MYO5A: variants seen among roughly 807,000 people sequenced by gnomAD.
The protein encoded by MYO5A is myosin VA, also known as unconventional myosin-Va.
In MYO5A, 98 loss-of-function variants were observed where a neutral mutation model predicts 249.7. The ratio of observed to expected loss-of-function variants is 0.39; its 90% CI spans 0.33 to 0.46. MYO5A has a LOEUF of 0.46. MYO5A is among the 20% of genes least tolerant of loss of function. The probability of loss-of-function intolerance (pLI) is 0.98; values close to 1 mark genes in which losing one functional copy is unlikely to be tolerated. For missense variants in MYO5A, 1,696 were observed against 2,308.8 expected, an observed-to-expected ratio of 0.73 and a Z score of 5.44; for synonymous variants, 778 against 810.6, an observed-to-expected ratio of 0.96 and a Z score of 0.68.
intron 5 of MYO5A, among the ~76,000 whole-genome samples, chr15:52,414,792 C>A (rs910482126): frequency 6.6e-6 from 1 of 152,204 alleles, no homozygotes; most frequent in Non-Finnish European, 1.5e-5. Flanking sequence ...GATTCTATTT[C>A]CCCAGTATTA....
intron 37 of MYO5A, among the ~76,000 whole-genome samples, chr15:52,322,111 T>C (rs928379496): frequency 3.9e-5 from 6 of 152,242 alleles, no homozygotes; most frequent in Admixed American, 3.9e-4. Flanking sequence ...ACTTTGCAGT[T>C]TAACACGTTG....
At chr15:52,409,217 G>A (rs2043139944) in intron 6 of MYO5A, among the ~76,000 whole-genome samples, 1 of 151,948 alleles carries the variant, frequency 6.6e-6, no homozygotes, top group Non-Finnish European at 1.5e-5. Context: ...TACTGACCAA[G>A]GACCATCTTT....
Position 52,327,955 on chromosome 15 carries a change from T to C in MYO5A, c.4607A>G (p.Tyr1536Cys). ...AVNLIPGLPA[Y>C]ILFMCVRHAD... ...ATGTCGAACACACATGAACAGGATATATGCCGGTAATCCTGGAATCAAATT... is the reference window on the plus strand; with the variant it reads ...ATGTCGAACACACATGAACAGGATACATGCCGGTAATCCTGGAATCAAATT... Residue 1536 changes from tyrosine to cysteine, a missense_variant, in exon 36 of 42, where the codon TAT (tyrosine) becomes TGT (cysteine). Physicochemically the swap from Tyr to Cys is radical, Grantham distance 194. Transcript: ENST00000399233. The C allele has an allele frequency of 6.2e-7, 1 of 1,613,562 alleles. No individual in the cohort carries two copies. The highest frequency in any genetic ancestry group is 8.5e-7 in the Non-Finnish European group (1 of 1,179,504).
rs190542929 is a variant in MYO5A at position 52,495,931 on chromosome 15, G to A, written c.27+32849C>T. 6.2e-4 allele frequency among the ~76,000 whole-genome samples: 95 copies of A among 152,118 alleles called. 1 individual carries two copies. The highest frequency in any genetic ancestry group is 2.2e-3 in the African/African-American group (90 of 41,470). Reference sequence around the variant, plus strand: ...GGAACATCACACCCCAGGGCCTGGCGTGGGGTGGGAGGCAGGGGGAGGGAT... The same window carrying A: ...GGAACATCACACCCCAGGGCCTGGCATGGGGTGGGAGGCAGGGGGAGGGAT... On this transcript the variant is annotated intron_variant, in intron 1 of 41. Transcript: ENST00000399233.
chr15:52,310,611 G>A lies in MYO5A; in HGVS notation c.*3085C>T, dbSNP rs2037744612. On this transcript the variant is annotated 3_prime_UTR_variant, in exon 42 of 42. Coordinates refer to ENST00000399233, the MANE Select transcript of MYO5A (RefSeq NM_001382347.1). Reference sequence around the variant, plus strand: ...TGGTAAGCACCAGGAAGGCCAGCAGGGGCAACTGAGGACTGACTCCATCCA... The same window carrying A: ...TGGTAAGCACCAGGAAGGCCAGCAGAGGCAACTGAGGACTGACTCCATCCA... 1 of 152,316 alleles carries A rather than the reference G, an allele frequency of 6.6e-6. No homozygotes were observed. Among genetic ancestry groups the A allele is most frequent in the Non-Finnish European group, 1.5e-5 (1 of 68,116 alleles). The allele number at this position is 152,316 out of a possible 1,614,324, so 9.4% of individuals were successfully genotyped here.
intron 1 of MYO5A, among the ~76,000 whole-genome samples, chr15:52,450,654 A>G (rs2075996764): frequency 6.7e-6 from 1 of 150,138 alleles, no homozygotes; most frequent in African/African-American, 2.4e-5. Flanking sequence ...GATGACAGTG[A>G]GAACTTGTCT....
intron 1 of MYO5A, among the ~76,000 whole-genome samples, chr15:52,504,238 C>A (rs2077219696): frequency 1.3e-5 from 2 of 152,210 alleles, no homozygotes; most frequent in South Asian, 4.2e-4. Context: ...CTTACTCATA[C>A]CCAGCTAGCT....
chr15:52,345,418 C>T (rs2039571702), intron 30 of MYO5A, among the ~76,000 whole-genome samples: 1 of 151,720 alleles, frequency 6.6e-6, no homozygotes, highest in Non-Finnish European at 1.5e-5. Flanking sequence ...CCCATCTCTA[C>T]TAAAAAAAAT....
rs74387347 is a variant in MYO5A at position 52,434,818 on chromosome 15, T to C, written c.28-1533A>G. 6.9e-3 allele frequency among the ~76,000 whole-genome samples: 1,052 copies of C among 151,576 alleles called. 17 individuals carry two copies. The highest frequency in any genetic ancestry group is 0.024 in the African/African-American group (1,001 of 40,868). On this transcript the variant is annotated intron_variant, in intron 1 of 41. Coordinates refer to ENST00000399233, the MANE Select transcript of MYO5A (RefSeq NM_001382347.1). Reference sequence around the variant, plus strand: ...CACATATGAAAACAGGAATCCTAGATTCAGCCAGCAAGGGAAAGACATGAC... The same window carrying C: ...CACATATGAAAACAGGAATCCTAGACTCAGCCAGCAAGGGAAAGACATGAC...
At chr15:52,492,319 T>C (rs2076951273) in intron 1 of MYO5A, among the ~76,000 whole-genome samples, 6 of 152,090 alleles carry the variant, frequency 3.9e-5, no homozygotes, top group Admixed American at 3.3e-4. Flanking sequence ...GACATAATGT[T>C]TAGAGGAAAC....
At chr15:52,494,038 A>G (rs1053291408) in intron 1 of MYO5A, among the ~76,000 whole-genome samples, 1 of 152,166 alleles carries the variant, frequency 6.6e-6, no homozygotes, top group African/African-American at 2.4e-5. Context: ...CCAACACCCC[A>G]CAATCTGAGA....
chr15:52,382,607 A>T (rs1042324311), intron 16 of MYO5A, among the ~76,000 whole-genome samples: 2 of 152,200 alleles, frequency 1.3e-5, no homozygotes, highest in African/African-American at 4.8e-5. Flanking sequence ...TTAGAAAAAT[A>T]TTTCTGTTTT....
intron 1 of MYO5A, chr15:52,505,812 G>T: frequency 1.3e-6 from 2 of 1,593,988 alleles, no homozygotes; most frequent in Non-Finnish European, 1.7e-6. Context: ...AGATCACTGC[G>T]TTTGAGGACT....
In MYO5A at chr15:52,506,003, C is replaced by T. The variant is rs1484337149; in HGVS notation, c.27+22777G>A. ...CTGAGGAGGGCAGATATCTTGAGGT[C>T]AGGAGTTCGAGACCAGCCTGGCCAA... On this transcript the variant is annotated intron_variant, in intron 1 of 41. Transcript: ENST00000399233. 5 of 719,446 alleles carry T rather than the reference C, an allele frequency of 6.9e-6. No individual in the cohort carries two copies. The African/African-American group carries it at 9.0e-5, about 13-fold the overall frequency. 44.6% of individuals were successfully genotyped at this position (719,446 alleles called of 1,614,324 possible).
intron 11 of MYO5A, among the ~76,000 whole-genome samples, chr15:52,394,580 G>A (rs972396955): frequency 9.2e-5 from 14 of 152,206 alleles, no homozygotes; most frequent in African/African-American, 3.4e-4. Context: ...CGAAGATGCA[G>A]AATGTAAGGG....
At chr15:52,325,905 A>C (rs1241444968) in intron 36 of MYO5A, among the ~76,000 whole-genome samples, 1 of 152,194 alleles carries the variant, frequency 6.6e-6, no homozygotes, top group Admixed American at 6.5e-5. Flanking sequence ...TTTTGCAATA[A>C]ACAAGCTGTA....
At chr15:52,448,277 C>G (rs1402951759) in intron 1 of MYO5A, among the ~76,000 whole-genome samples, 1 of 152,220 alleles carries the variant, frequency 6.6e-6, no homozygotes, top group Non-Finnish European at 1.5e-5. Context: ...GATTTAATGA[C>G]TGTCCTGCTG....
At chr15:52,392,273 C>G (rs763081609) in intron 11 of MYO5A, among the ~76,000 whole-genome samples, 2 of 152,132 alleles carry the variant, frequency 1.3e-5, no homozygotes, top group Non-Finnish European at 2.9e-5. Flanking sequence ...ACAAGTAAAT[C>G]TAGGTATATA....
At chr15:52,423,562 A>AAAAAG (rs5812609) in intron 4 of MYO5A, among the ~76,000 whole-genome samples, 79,604 of 149,070 alleles carry the variant, frequency 0.53, 22,462 homozygotes, top group East Asian at 0.85. Context: ...AAAAAAAAAA[A>AAAAAG]AAAAGAAAAC....
Sources: gnomAD v4.1 joint callset for allele counts (sites outside exome capture counted in the v4.1 genomes callset) on GRCh38, gnomAD v4.1.1 for gene constraint, MANE v1.5 for transcripts, NCBI Gene and HGNC (gene_info 2026-07-23, HGNC 2026-07-21) for gene names.